NLRP8: variants seen among roughly 807,000 people sequenced by gnomAD.
NLRP8 encodes the protein NLR family pyrin domain containing 8.
NLRP8 carries 86 observed loss-of-function variants against 88.7 expected under a neutral mutation model. The observed-to-expected ratio is 0.97, with a 90% confidence interval of 0.81 to 1.16. The LOEUF (loss-of-function observed/expected upper bound fraction) is 1.16, where lower values mean the gene tolerates loss of function less well. Ranked by LOEUF, NLRP8 falls within the 50% of genes most tolerant of loss-of-function variation. The pLI is 0.00. For synonymous variants in NLRP8, 504 were observed against 494.6 expected, an observed-to-expected ratio of 1.02 and a Z score of -0.25; for missense variants, 1,342 against 1,286.5, an observed-to-expected ratio of 1.04 and a Z score of -0.66.
chr19:55,974,127 G>A (rs376981510), intron 7 of NLRP8, among the ~76,000 whole-genome samples: 13 of 148,606 alleles, frequency 8.7e-5, no homozygotes, highest in South Asian at 6.4e-4. Flanking sequence ...CTGTAAGAAC[G>A]ACTACCTCGA....
chr19:55,966,453 G>A (rs1412261060), intron 5 of NLRP8, 73 bp downstream of exon 5: 3 of 1,399,994 alleles, frequency 2.1e-6, no homozygotes, highest in Non-Finnish European at 3.0e-6. Context: ...GTGATGAGAG[G>A]CTCAGTTTCC....
chr19:55,959,931 A>C (rs927317730), intron 3 of NLRP8, among the ~76,000 whole-genome samples: 4 of 152,108 alleles, frequency 2.6e-5, no homozygotes, highest in African/African-American at 9.7e-5. Flanking sequence ...CCAGGTGCTG[A>C]GGTCATTACC....
intron 4 of NLRP8, among the ~76,000 whole-genome samples, chr19:55,963,993 G>T (rs541146658): frequency 3.3e-5 from 5 of 152,106 alleles, no homozygotes; most frequent in Non-Finnish European, 7.4e-5. Context: ...AGAAACTGAG[G>T]CATGAGTTTA....
At chr19:55,963,484 C>T (rs577121206) in intron 4 of NLRP8, among the ~76,000 whole-genome samples, 1 of 152,182 alleles carries the variant, frequency 6.6e-6, no homozygotes, top group Non-Finnish European at 1.5e-5. Flanking sequence ...GTGGGGTAAG[C>T]CTCACCAAAG....
In NLRP8 at chr19:55,979,453, A is replaced by G. The variant is rs748746159; in HGVS notation, c.2936A>G (p.Lys979Arg). 5.6e-6 allele frequency: 9 copies of G among 1,614,210 alleles called. No individual in the cohort carries two copies. Among genetic ancestry groups the G allele is most frequent in the South Asian group, 2.2e-5 (2 of 91,090 alleles). ...CAGGCCATGGCTTCCATGCTCCGCA[A>G]AAACCAACATCTGAGACATCTGGAC... The change falls in exon 9 of 10, where the codon AAA becomes AGA. Residue 979 changes from lysine (K) to arginine (R), a missense_variant. By Grantham distance (26) the Lys-to-Arg change is conservative. Transcript: ENST00000291971.
intron 1 of NLRP8, among the ~76,000 whole-genome samples, chr19:55,950,203 G>C (rs1288787153): frequency 6.6e-6 from 1 of 151,092 alleles, no homozygotes; most frequent in African/African-American, 2.4e-5. Flanking sequence ...CCAAGGTCAG[G>C]AGTTCAAGAC....
chr19:55,968,530 CAGGAGTT>C (rs1406067130), intron 5 of NLRP8, among the ~76,000 whole-genome samples: 1 of 150,660 alleles, frequency 6.6e-6, no homozygotes, highest in Non-Finnish European at 1.5e-5. Flanking sequence ...CACCTGAGGT[CAGGAGTT>C]TGAGACCAGC....
In NLRP8 at chr19:55,954,933, C is replaced by T. The variant is rs770878136; in HGVS notation, c.875C>T (p.Thr292Ile). The T allele has an allele frequency of 8.1e-6, 13 of 1,614,170 alleles. No individual in the cohort carries two copies. The South Asian group carries it at 1.3e-4, about 16-fold the overall frequency. ...CTCTTGGATGGCTTTGAGGAGCTCACATCTACCCTCATTGACAGACTGGAG... is the reference window on the plus strand; with the variant it reads ...CTCTTGGATGGCTTTGAGGAGCTCATATCTACCCTCATTGACAGACTGGAG... The change falls in exon 3 of 10, where the codon ACA becomes ATA. Residue 292 changes from threonine (T) to isoleucine (I), a missense_variant. Coordinates refer to ENST00000291971, the MANE Select transcript of NLRP8 (RefSeq NM_176811.2).
chr19:55,987,611 C>G (rs1980909957), intron 9 of NLRP8, among the ~76,000 whole-genome samples: 2 of 152,112 alleles, frequency 1.3e-5, no homozygotes, highest in African/African-American at 2.4e-5. Flanking sequence ...TAGAAAGCAG[C>G]AAATCATTCA....
chr19:55,954,641 C>T lies in NLRP8; in HGVS notation c.583C>T (p.Pro195Ser), dbSNP rs868199669. ...GGAGTACTTACCATGTCTGCTTCTG[C>T]CCAAAAGACCCCAGGGTAGACAGCC... is the stretch of plus-strand genomic sequence containing the variant. The change falls in exon 3 of 10, where the codon CCC becomes TCC. Residue 195 changes from proline (P) to serine (S), a missense_variant. Transcript: ENST00000291971. 6.2e-7 allele frequency: 1 copy of T among 1,614,192 alleles called. No homozygotes were observed. The highest frequency in any genetic ancestry group is 8.5e-7 in the Non-Finnish European group (1 of 1,180,034).
rs1283912419 is a variant in NLRP8 at position 55,987,985 on chromosome 19, T to C, written c.*72T>C. ...CTGACAACTGGCAAATACCAGGCGT[T>C]ATCATCCTGTATGCATTAACGTACT... On this transcript the variant is annotated 3_prime_UTR_variant, in exon 10 of 10. Transcript: ENST00000291971. 1.8e-6 allele frequency: 2 copies of C among 1,092,846 alleles called. No individual in the cohort carries two copies. Among genetic ancestry groups the C allele is most frequent in the Non-Finnish European group, 2.8e-6 (2 of 711,342 alleles). The allele number at this position is 1,092,846 out of a possible 1,614,324, so 67.7% of individuals were successfully genotyped here.
intron 9 of NLRP8, among the ~76,000 whole-genome samples, chr19:55,981,829 T>G (rs1022553164): frequency 7.3e-6 from 1 of 137,662 alleles, no homozygotes; most frequent in Non-Finnish European, 1.5e-5. Context: ...AATCACAATG[T>G]TTTTTTTCCC....
At position 55,973,225 on chromosome 19, in the gene NLRP8, G is replaced by T. The variant is rs78058066; in HGVS notation, c.2535-427G>T. The stretch of plus-strand genomic sequence containing the variant: ...AGTCATGTCAAGCATTTTTCCATTT[G>T]CTTTTTGGCCATTTGTGTATCTTTT... On this transcript the variant is annotated intron_variant, in intron 6 of 9. Coordinates refer to ENST00000291971, the MANE Select transcript of NLRP8 (RefSeq NM_176811.2). Among the ~76,000 whole-genome samples, 746 of 152,150 alleles carry T rather than the reference G, an allele frequency of 4.9e-3. 9 individuals are homozygous for T. The highest frequency in any genetic ancestry group is 0.017 in the African/African-American group (690 of 41,506).
chr19:55,983,548 A>T (rs1980664890), intron 9 of NLRP8, among the ~76,000 whole-genome samples: 1 of 151,760 alleles, frequency 6.6e-6, no homozygotes. Context: ...AAACCAGTAG[A>T]TGGAGACTCG....
At chr19:55,966,407 G>C (rs1484261333) in intron 5 of NLRP8, 27 bp downstream of exon 5, 9 of 1,607,774 alleles carry the variant, frequency 5.6e-6, no homozygotes, top group Non-Finnish European at 6.8e-6. Flanking sequence ...GGGTTAGAGT[G>C]GGAACCGGGG....
intron 8 of NLRP8, among the ~76,000 whole-genome samples, chr19:55,978,206 T>A (rs28502678): frequency 1.3e-5 from 2 of 152,148 alleles, no homozygotes; most frequent in Non-Finnish European, 2.9e-5. Flanking sequence ...TTTTTTTAAA[T>A]TTTTTTATTA....
chr19:55,948,694 C>T (rs768190062), intron 1 of NLRP8, among the ~76,000 whole-genome samples: 2 of 152,116 alleles, frequency 1.3e-5, no homozygotes, highest in African/African-American at 2.4e-5. Context: ...TGCCTTGGCC[C>T]CCCAAAGTGC....
chr19:55,950,148 C>T (rs926080232), intron 1 of NLRP8, among the ~76,000 whole-genome samples: 12 of 151,830 alleles, frequency 7.9e-5, no homozygotes, highest in African/African-American at 1.9e-4. Context: ...CGGTGGCTCA[C>T]GCCTGTAATC....
intron 9 of NLRP8, among the ~76,000 whole-genome samples, chr19:55,986,027 C>T (rs1019877030): frequency 2.0e-5 from 3 of 151,906 alleles, no homozygotes; most frequent in Non-Finnish European, 1.5e-5. Context: ...ATACATGGGA[C>T]TTTATCAAAA....
Sources: allele counts gnomAD v4.1 joint callset (sites outside exome capture counted in the v4.1 genomes callset), GRCh38; gene constraint gnomAD v4.1.1; transcripts MANE v1.5; gene names NCBI Gene and HGNC (gene_info 2026-07-23, HGNC 2026-07-21).